Variants in JAK2 observed in about 807,000 individuals in gnomAD.
JAK2 encodes Janus kinase 2.
JAK2 carries 86 observed loss-of-function variants against 139.3 expected under a neutral mutation model. That is an observed-to-expected ratio of 0.62 (90% CI 0.52 to 0.74). JAK2 has a LOEUF of 0.74. JAK2 is among the 30% of genes least tolerant of loss of function. The pLI, the probability that JAK2 is intolerant of heterozygous loss-of-function variation, is 0.00. For synonymous variants in JAK2, 490 were observed against 437.7 expected, an observed-to-expected ratio of 1.12 and a Z score of -1.49; for missense variants, 1,421 against 1,360.3, an observed-to-expected ratio of 1.04 and a Z score of -0.70.
chr9:5,103,970 G>T lies in JAK2; in HGVS notation c.3059+13059G>T, dbSNP rs571720919. On this transcript the variant is annotated intron_variant, in intron 22 of 24. Transcript: ENST00000381652. Reference sequence around the variant, plus strand: ...AATGCCCACAAGAGAAAGCAGGAAAGAGCTAAAATCGACACCTTAACATCA... The same window carrying T: ...AATGCCCACAAGAGAAAGCAGGAAATAGCTAAAATCGACACCTTAACATCA... 7.2e-5 allele frequency among the ~76,000 whole-genome samples: 11 copies of T among 152,280 alleles called. No homozygotes were observed. In the East Asian group the frequency reaches 2.1e-3, roughly 29 times the overall value.
chr9:5,098,796 C>G (rs934146676), intron 22 of JAK2: 2 of 151,830 alleles, frequency 1.3e-5, no homozygotes, highest in Non-Finnish European at 2.9e-5. Context: ...CGGGTTCACG[C>G]CATTCTCCTG....
At chr9:5,063,277 A>G (rs1248880438) in intron 8 of JAK2, among the ~76,000 whole-genome samples, 1 of 152,162 alleles carries the variant, frequency 6.6e-6, no homozygotes. Flanking sequence ...TTCATTTTCT[A>G]CAAGAACTCT....
At chr9:4,992,377 A>C (rs1291143835) in intron 2 of JAK2, among the ~76,000 whole-genome samples, 3 of 152,128 alleles carry the variant, frequency 2.0e-5, no homozygotes, top group Non-Finnish European at 2.9e-5. Context: ...GCCATGTCCT[A>C]CTGGTTGTAA....
intron 3 of JAK2, among the ~76,000 whole-genome samples, chr9:5,025,138 AT>A (rs919920757): frequency 2.6e-4 from 39 of 147,644 alleles, no homozygotes; most frequent in East Asian, 1.2e-3. Context: ...GTTTTTACTC[AT>A]TTTTTTTTTC....
chr9:5,015,131 G>A (rs1027289318), intron 2 of JAK2, among the ~76,000 whole-genome samples: 15 of 152,236 alleles, frequency 9.9e-5, no homozygotes, highest in African/African-American at 3.6e-4. Flanking sequence ...TAACAACTGA[G>A]GAACAGATTC....
At position 5,126,441 on chromosome 9, in the gene JAK2, G is replaced by A; in HGVS notation, c.3286G>A (p.Asp1096Asn). The change falls in exon 24 of 25, where the codon GAT becomes AAT. Residue 1096 changes from aspartate to asparagine, a missense_variant. By Grantham distance (23) the Asp-to-Asn change is conservative. Transcript: ENST00000381652. ...ATTACCAAGACCAGATGGATGCCCA[G>A]ATGAGGTAACAATTTTTTTTTAATC... Reference protein sequence around the residue: ...GRLPRPDGCPDEIYMIMTECW... With the variant: ...GRLPRPDGCPNEIYMIMTECW... 2 of 1,596,156 alleles carry A rather than the reference G, an allele frequency of 1.3e-6. No homozygotes were observed. The highest frequency in any genetic ancestry group is 1.7e-6 in the Non-Finnish European group (2 of 1,167,910).
At chr9:5,015,774 T>C (rs948045540) in intron 2 of JAK2, among the ~76,000 whole-genome samples, 1 of 152,232 alleles carries the variant, frequency 6.6e-6, no homozygotes, top group African/African-American at 2.4e-5. Context: ...TTCATTTAAA[T>C]TCGGGAAACA....
intron 22 of JAK2, 110 bp from the exon 23 acceptor site, chr9:5,122,894 A>C: frequency 6.1e-6 from 4 of 656,798 alleles, no homozygotes; most frequent in Non-Finnish European, 1.0e-5. Context: ...TGCTGTGATA[A>C]CTCTTTTCTC....
intron 12 of JAK2, among the ~76,000 whole-genome samples, chr9:5,072,260 C>T (rs1459669964): frequency 1.3e-5 from 2 of 152,116 alleles, no homozygotes; most frequent in Non-Finnish European, 2.9e-5. Flanking sequence ...GATTTCAAAA[C>T]CGAGTAGAGC....
intron 22 of JAK2, among the ~76,000 whole-genome samples, chr9:5,106,891 G>A (rs141968584): frequency 1.9e-3 from 292 of 152,232 alleles, no homozygotes; most frequent in Non-Finnish European, 1.6e-3. Flanking sequence ...ACACAAAGGG[G>A]CCCGGGGGAG....
chr9:5,127,935 A>G lies in JAK2; in HGVS notation c.*1144A>G. 1 of 232,490 alleles carries G rather than the reference A, an allele frequency of 4.3e-6. No individual in the cohort carries two copies. Among genetic ancestry groups the G allele is most frequent in the East Asian group, 6.0e-5 (1 of 16,592 alleles). The allele number at this position is 232,490 out of a possible 1,614,324, so 14.4% of individuals were successfully genotyped here. A position where few individuals can be genotyped will look rare whatever the true frequency, so the allele number is the denominator to read the frequency against. On this transcript the variant is annotated 3_prime_UTR_variant, in exon 25 of 25. Coordinates refer to ENST00000381652, the MANE Select transcript of JAK2 (RefSeq NM_004972.4). ...GTTAATTTTATTCAAGAATGCCAGT[A>G]GAAAATTCATAACGTGTATCTTTAA...
chr9:4,984,700 G>GGAGTCTCCGCGCGGAGGC (rs1392516016), upstream of JAK2: 2 of 152,442 alleles, frequency 1.3e-5, no homozygotes, highest in Non-Finnish European at 2.9e-5. Context: ...GTGCGGGAGG[G>GGAGTCTCCGCGCGGAGGC]GAGTCTCCGC....
At chr9:5,017,358 C>G (rs934086804) in intron 2 of JAK2, among the ~76,000 whole-genome samples, 1 of 152,176 alleles carries the variant, frequency 6.6e-6, no homozygotes, top group Admixed American at 6.6e-5. Flanking sequence ...TGGGCACAAA[C>G]TGATAAAATT....
At chr9:5,023,131 C>T (rs190031158) in intron 3 of JAK2, among the ~76,000 whole-genome samples, 4 of 152,196 alleles carry the variant, frequency 2.6e-5, no homozygotes. Context: ...ATTTTTGTGC[C>T]CATTAACCAA....
chr9:5,083,691 G>C (rs1382511398), intron 19 of JAK2, among the ~76,000 whole-genome samples: 1 of 151,978 alleles, frequency 6.6e-6, no homozygotes, highest in African/African-American at 2.4e-5. Context: ...TGGTATTTAA[G>C]AAGTAGACAT....
chr9:5,012,396 TGTC>T (rs1328983175), intron 2 of JAK2, among the ~76,000 whole-genome samples: 1 of 152,128 alleles, frequency 6.6e-6, no homozygotes, highest in Non-Finnish European at 1.5e-5. Flanking sequence ...AGTTTATAAT[TGTC>T]GTCATCAGGA....
Position 5,069,945 on chromosome 9 carries a change from T to C in JAK2, c.1534T>C (p.Phe512Leu). The C allele has an allele frequency of 6.2e-7, 1 of 1,602,340 alleles. No homozygotes were observed. Among genetic ancestry groups the C allele is most frequent in the Non-Finnish European group, 8.5e-7 (1 of 1,171,336 alleles). ...TTCAGATAAATCAAACCTTCTAGTCTTCAGAACGAATGGTGTTTCTGATGT... is the reference window on the plus strand; with the variant it reads ...TTCAGATAAATCAAACCTTCTAGTCCTCAGAACGAATGGTGTTTCTGATGT... ...KPKDKSNLLV[F>L]RTNGVSDVPT... The change falls in exon 12 of 25, where the codon TTC (phenylalanine) becomes CTC (leucine). Residue 512 changes from phenylalanine (F) to leucine (L), a missense_variant. Coordinates refer to ENST00000381652, the MANE Select transcript of JAK2 (RefSeq NM_004972.4).
At chr9:5,012,979 G>A (rs1821797632) in intron 2 of JAK2, among the ~76,000 whole-genome samples, 1 of 152,016 alleles carries the variant, frequency 6.6e-6, no homozygotes, top group South Asian at 2.1e-4. Context: ...GATGGTAGTT[G>A]TGGAAAAAAA....
intron 4 of JAK2, among the ~76,000 whole-genome samples, chr9:5,042,629 T>TA (rs1816680469): frequency 7.0e-6 from 1 of 142,912 alleles, no homozygotes. Flanking sequence ...GTTAGCGTCA[T>TA]AAAGTCCAGC....
Sources: allele counts gnomAD v4.1 joint callset (sites outside exome capture counted in the v4.1 genomes callset), GRCh38; gene constraint gnomAD v4.1.1; transcripts MANE v1.5; gene names NCBI Gene and HGNC (gene_info 2026-07-23, HGNC 2026-07-21).